The following MACROD2 variants were observed in gnomAD, a reference collection of about 807,000 sequenced individuals.
The protein encoded by MACROD2 is mono-ADP ribosylhydrolase 2.
In MACROD2, 36 loss-of-function variants were observed where a neutral mutation model predicts 70.4. The observed-to-expected ratio is 0.51, with a 90% confidence interval of 0.39 to 0.68. The LOEUF (loss-of-function observed/expected upper bound fraction) is 0.68. Ranked by LOEUF, MACROD2 falls within the 30% of genes least tolerant of loss-of-function variation. The pLI, the probability that MACROD2 is intolerant of heterozygous loss-of-function variation, is 0.00. For synonymous variants in MACROD2, 172 were observed against 178.8 expected (o/e 0.96, Z 0.30); for missense variants, 496 against 538.4 (o/e 0.92, Z 0.78).
At chr20:15,171,236 T>C (rs2076419972) in intron 5 of MACROD2, among the ~76,000 whole-genome samples, 1 of 151,548 alleles carries the variant, frequency 6.6e-6, no homozygotes, top group African/African-American at 2.4e-5. Context: ...TTTCCCTCCA[T>C]CTCCCCCTCT....
At chr20:14,118,465 T>A (rs2054541407) in intron 3 of MACROD2, among the ~76,000 whole-genome samples, 1 of 152,200 alleles carries the variant, frequency 6.6e-6, no homozygotes, top group African/African-American at 2.4e-5. Flanking sequence ...GAAATACGAA[T>A]TCTCCTTTGG....
intron 4 of MACROD2, among the ~76,000 whole-genome samples, chr20:14,545,314 C>G (rs142322639): frequency 0.018 from 2,777 of 152,222 alleles, 35 homozygotes; most frequent in Non-Finnish European, 0.028. Flanking sequence ...CTCCTTGGAT[C>G]TGGGAGTCCA....
chr20:14,129,274 C>T (rs898279396), intron 3 of MACROD2, among the ~76,000 whole-genome samples: 5 of 152,112 alleles, frequency 3.3e-5, no homozygotes, highest in South Asian at 4.1e-4. Flanking sequence ...TGGATGACTT[C>T]GAGGTCCATC....
chr20:15,656,141 T>C (rs1389423222), intron 8 of MACROD2, among the ~76,000 whole-genome samples: 1 of 152,190 alleles, frequency 6.6e-6, no homozygotes, highest in Non-Finnish European at 1.5e-5. Context: ...ATAAAAAGTC[T>C]TCATGAGTGA....
chr20:15,741,242 C>T (rs1463931847), intron 8 of MACROD2, among the ~76,000 whole-genome samples: 2 of 151,026 alleles, frequency 1.3e-5, no homozygotes, highest in African/African-American at 4.9e-5. Flanking sequence ...CAGGCACACA[C>T]CACCACACCC....
intron 8 of MACROD2, among the ~76,000 whole-genome samples, chr20:15,603,108 T>A (rs1297065649): frequency 3.9e-5 from 6 of 152,136 alleles, no homozygotes; most frequent in Non-Finnish European, 8.8e-5. Context: ...TATGACTAGA[T>A]CAAAGAAATG....
chr20:15,669,539 G>A (rs1308461378), intron 8 of MACROD2, among the ~76,000 whole-genome samples: 1 of 152,066 alleles, frequency 6.6e-6, no homozygotes, highest in Non-Finnish European at 1.5e-5. Flanking sequence ...TTTTTCATTA[G>A]GATGCAGTTT....
intron 5 of MACROD2, among the ~76,000 whole-genome samples, chr20:14,968,560 T>TTC (rs1335876953): frequency 6.6e-6 from 1 of 152,218 alleles, no homozygotes; most frequent in Admixed American, 6.5e-5. Context: ...CTGGACGTGA[T>TTC]TCTCCTGTTG....
At chr20:15,513,252 G>A (rs983996354) in intron 8 of MACROD2, among the ~76,000 whole-genome samples, 1 of 152,084 alleles carries the variant, frequency 6.6e-6, no homozygotes, top group Non-Finnish European at 1.5e-5. Flanking sequence ...AAATAGTCAC[G>A]TTCTGTTCGG....
At chr20:15,889,734 G>T (rs1320444559) in intron 10 of MACROD2, among the ~76,000 whole-genome samples, 1 of 152,150 alleles carries the variant, frequency 6.6e-6, no homozygotes. Flanking sequence ...CCCAGTCTGA[G>T]CCAGCAGGGA....
chr20:14,123,917 G>A (rs780202509), intron 3 of MACROD2, among the ~76,000 whole-genome samples: 1 of 152,024 alleles, frequency 6.6e-6, no homozygotes, highest in Non-Finnish European at 1.5e-5. Context: ...TCTTTCCCTA[G>A]TGGTATTTAA....
At chr20:15,904,637 A>C (rs1260800427) in intron 10 of MACROD2, among the ~76,000 whole-genome samples, 6 of 151,960 alleles carry the variant, frequency 3.9e-5, no homozygotes, top group Non-Finnish European at 5.9e-5. Context: ...TCACGCCTGT[A>C]ATCCCAGCAC....
chr20:14,968,850 C>T (rs956623553), intron 5 of MACROD2, among the ~76,000 whole-genome samples: 2 of 152,124 alleles, frequency 1.3e-5, no homozygotes, highest in African/African-American at 4.8e-5. Context: ...CCTCTTCTAG[C>T]CCTGGGGTTC....
intron 6 of MACROD2, among the ~76,000 whole-genome samples, chr20:15,393,248 T>A (rs564536206): frequency 1.6e-4 from 24 of 152,260 alleles, no homozygotes; most frequent in African/African-American, 5.5e-4. Flanking sequence ...CTTCCATTAT[T>A]TCATGAGGTT....
chr20:14,945,941 C>T (rs67819281), intron 5 of MACROD2, among the ~76,000 whole-genome samples: 33,495 of 152,038 alleles, frequency 0.22, 4,461 homozygotes, highest in African/African-American at 0.37. Flanking sequence ...TGTGAAGTGG[C>T]TTATGCCTGT....
chr20:15,525,531 T>A (rs1030684330), intron 8 of MACROD2, among the ~76,000 whole-genome samples: 3 of 152,188 alleles, frequency 2.0e-5, no homozygotes, highest in African/African-American at 7.2e-5. Context: ...AACCACAAGG[T>A]CCCTGTTCCT....
At chr20:14,072,895 C>T (rs1200703884) in intron 2 of MACROD2, among the ~76,000 whole-genome samples, 1 of 148,644 alleles carries the variant, frequency 6.7e-6, no homozygotes, top group Non-Finnish European at 1.5e-5. Context: ...GATCGCATCA[C>T]TGCACTCCAG....
intron 7 of MACROD2, among the ~76,000 whole-genome samples, chr20:15,489,815 T>C (rs1298259373): frequency 6.6e-6 from 1 of 152,108 alleles, no homozygotes; most frequent in Non-Finnish European, 1.5e-5. Flanking sequence ...GGCTCCAGGC[T>C]AGGGTATGGA....
chr20:15,487,857 AG>A (rs1339085063), intron 7 of MACROD2, among the ~76,000 whole-genome samples: 1 of 152,156 alleles, frequency 6.6e-6, no homozygotes, highest in Non-Finnish European at 1.5e-5. Flanking sequence ...AGGGGATTTG[AG>A]GGCTATCTTT....
Sources: gnomAD v4.1 joint callset for allele counts (sites outside exome capture counted in the v4.1 genomes callset) on GRCh38, gnomAD v4.1.1 for gene constraint, MANE v1.5 for transcripts, NCBI Gene and HGNC (gene_info 2026-07-23, HGNC 2026-07-21) for gene names.